The following PAAF1 variants were observed in gnomAD, a reference collection of about 807,000 sequenced individuals.
The protein encoded by PAAF1 is proteasomal ATPase associated factor 1, also known as proteasomal ATPase-associated factor 1.
In PAAF1, 46 loss-of-function variants were observed where a neutral mutation model predicts 52.8. The ratio of observed to expected loss-of-function variants is 0.87; its 90% confidence interval spans 0.69 to 1.11. The LOEUF is 1.11. Ranked by LOEUF, PAAF1 falls within the 50% of genes most tolerant of loss-of-function variation. The pLI is 0.00. For missense variants in PAAF1, 424 were observed against 477.4 expected, an observed-to-expected ratio of 0.89 and a Z score of 1.04; for synonymous variants, 178 against 172.8, an observed-to-expected ratio of 1.03 and a Z score of -0.24.
chr11:73,920,902 C>T (rs1950197713), intron 10 of PAAF1, among the ~76,000 whole-genome samples: 1 of 151,948 alleles, frequency 6.6e-6, no homozygotes, highest in African/African-American at 2.4e-5. Context: ...TGTAGTGGCT[C>T]ACGCCTGTAA....
At chr11:73,893,779 G>A (rs924978762) in intron 4 of PAAF1, among the ~76,000 whole-genome samples, 4 of 143,194 alleles carry the variant, frequency 2.8e-5, no homozygotes, top group South Asian at 2.3e-4. Flanking sequence ...AAAACTAAAC[G>A]TGGGCGCGGT....
intron 6 of PAAF1, among the ~76,000 whole-genome samples, chr11:73,907,026 CATTGT>C (rs1253073590): frequency 1.3e-5 from 2 of 151,870 alleles, no homozygotes; most frequent in Admixed American, 6.6e-5. Flanking sequence ...ACACCTGTAC[CATTGT>C]ATTGTATGTC....
chr11:73,883,080 T>C (rs950253642), intron 2 of PAAF1, among the ~76,000 whole-genome samples: 5 of 152,128 alleles, frequency 3.3e-5, no homozygotes, highest in African/African-American at 1.2e-4. Context: ...TTTAAATTTT[T>C]TGTAGAGACA....
chr11:73,916,770 A>G, intron 9 of PAAF1, 110 bp downstream of exon 9: 1 of 612,988 alleles, frequency 1.6e-6, no homozygotes, highest in Non-Finnish European at 2.6e-6. Context: ...TCAAGGGTAT[A>G]TTTTTCCATT....
intron 6 of PAAF1, among the ~76,000 whole-genome samples, chr11:73,906,670 A>C (rs1368898807): frequency 6.6e-6 from 1 of 152,220 alleles, no homozygotes; most frequent in Non-Finnish European, 1.5e-5. Flanking sequence ...GCTACTTTTT[A>C]AAGCTGTGGC....
chr11:73,891,899 T>G (rs1432529765), intron 4 of PAAF1, among the ~76,000 whole-genome samples: 2 of 152,234 alleles, frequency 1.3e-5, no homozygotes, highest in African/African-American at 4.8e-5. Flanking sequence ...AGGAATAATT[T>G]TCAAAGGTCT....
intron 7 of PAAF1, 141 bp downstream of exon 7, chr11:73,909,734 TG>T: frequency 4.0e-6 from 3 of 747,626 alleles, no homozygotes; most frequent in Non-Finnish European, 6.4e-6. Context: ...ATATTTACTC[TG>T]TACCTACTAT....
rs111523833 is a variant in PAAF1, at chr11:73,878,664, A to G, written c.48-115A>G. ...ACTCGATGAGAGGTTGGACTATCTCATGTCTAAGTACTATGACCAAGCTGG... is the reference window on the plus strand; with the variant it reads ...ACTCGATGAGAGGTTGGACTATCTCGTGTCTAAGTACTATGACCAAGCTGG... On this transcript the variant is annotated intron_variant, in intron 1 of 11. Coordinates refer to ENST00000310571, the MANE Select transcript of PAAF1 (RefSeq NM_025155.3). 453 of 777,944 alleles carry G rather than the reference A, an allele frequency of 5.8e-4. 1 individual carries two copies. In the African/African-American group the frequency reaches 7.1e-3, roughly 12 times the overall value. 48.2% of individuals were successfully genotyped at this position (777,944 alleles called of 1,614,324 possible).
intron 6 of PAAF1, 139 bp downstream of exon 6, chr11:73,900,559 C>G: frequency 5.2e-6 from 5 of 966,276 alleles, no homozygotes; most frequent in Non-Finnish European, 7.4e-6. Context: ...TGCCATTTCC[C>G]TAAGGACCAG....
At chr11:73,917,212 G>A (rs930967497) in intron 9 of PAAF1, among the ~76,000 whole-genome samples, 1 of 151,902 alleles carries the variant, frequency 6.6e-6, no homozygotes, top group Non-Finnish European at 1.5e-5. Flanking sequence ...GTAGAGACAG[G>A]GTTTCATCAT....
intron 2 of PAAF1, among the ~76,000 whole-genome samples, chr11:73,884,194 G>C (rs1423121294): frequency 6.6e-6 from 1 of 152,060 alleles, no homozygotes; most frequent in African/African-American, 2.4e-5. Flanking sequence ...GGTCATTTTA[G>C]TGACTTCACA....
chr11:73,894,152 A>G (rs571806092), intron 4 of PAAF1, among the ~76,000 whole-genome samples: 10 of 152,316 alleles, frequency 6.6e-5, no homozygotes, highest in Admixed American at 2.0e-4. Flanking sequence ...GGAGAAGGCA[A>G]TTCACCTCTT....
chr11:73,901,830 C>A lies in PAAF1; in HGVS notation c.532+1410C>A, dbSNP rs138542789. On this transcript the variant is annotated intron_variant, in intron 6 of 11. Transcript: ENST00000310571. ...GGGTGATCCACCAGCCTCGGCCTCC[C>A]AAAGTGCTGGGATAACAGGCATTAG... Among the ~76,000 whole-genome samples, 295 of 151,698 alleles carry A rather than the reference C, an allele frequency of 1.9e-3. 1 individual carries two copies. The highest frequency in any genetic ancestry group is 6.9e-3 in the African/African-American group (286 of 41,316).
chr11:73,906,261 G>A (rs1949749324), intron 6 of PAAF1, among the ~76,000 whole-genome samples: 1 of 152,022 alleles, frequency 6.6e-6, no homozygotes, highest in East Asian at 1.9e-4. Flanking sequence ...AGTTTTGTTT[G>A]TTTGTTTGTT....
rs1329430603 is a variant in PAAF1 at position 73,914,496 on chromosome 11, A to G, written c.811A>G (p.Arg271Gly). ...KKLQCLGLQS[R>G]QLVFLFIGSD... ...ACTTCAGTGCTTGGGACTACAGAGC[A>G]GGCAGCTGGCAAGTGGTTCCTATAT... Residue 271 changes from arginine (R) to glycine (G), a missense_variant, in exon 8 of 12, where the codon AGG becomes GGG. Arg to Gly is a moderately radical substitution (Grantham distance 125). Transcript: ENST00000310571. 1.2e-6 allele frequency: 2 copies of G among 1,613,874 alleles called. No homozygotes were observed. The highest frequency in any genetic ancestry group is 1.1e-5 in the South Asian group (1 of 91,084).
intron 4 of PAAF1, among the ~76,000 whole-genome samples, chr11:73,894,377 C>T (rs1269971583): frequency 1.3e-5 from 2 of 152,066 alleles, no homozygotes; most frequent in African/African-American, 4.8e-5. Context: ...TAGTGGCTCA[C>T]ACCTGTAATC....
At chr11:73,914,360 C>A in intron 7 of PAAF1, 53 bp from the exon 8 acceptor site, 1 of 1,468,370 alleles carries the variant, frequency 6.8e-7, no homozygotes, top group Non-Finnish European at 9.5e-7. Context: ...GCTGTGTGGG[C>A]ACTACCAGCT....
chr11:73,892,887 C>T (rs1018665745), intron 4 of PAAF1, among the ~76,000 whole-genome samples: 1 of 152,148 alleles, frequency 6.6e-6, no homozygotes, highest in Admixed American at 6.5e-5. Flanking sequence ...GTCTCAATCT[C>T]CTGACCTTGT....
intron 2 of PAAF1, chr11:73,880,785 G>A (rs919267750): frequency 6.7e-6 from 1 of 150,218 alleles, no homozygotes; most frequent in Non-Finnish European, 1.5e-5. Flanking sequence ...GATCACCTGA[G>A]GTCAAGAGTT....
Sources: gnomAD v4.1 joint callset for allele counts (sites outside exome capture counted in the v4.1 genomes callset) on GRCh38, gnomAD v4.1.1 for gene constraint, MANE v1.5 for transcripts, NCBI Gene and HGNC (gene_info 2026-07-23, HGNC 2026-07-21) for gene names.